Variants in OR2C1 observed in about 807,000 individuals in gnomAD.
The protein encoded by OR2C1 is olfactory receptor 2C1.
For missense variants in OR2C1, 468 were observed against 388.3 expected (o/e 1.21, Z -1.73); for synonymous variants, 209 against 167.3 (o/e 1.25, Z -1.92).
the OR2C1 span, among the ~76,000 whole-genome samples, chr16:3,325,074 C>T: frequency 6.6e-6 from 1 of 152,132 alleles, no homozygotes; most frequent in Non-Finnish European, 1.5e-5. Flanking sequence ...CTCTGCCTCC[C>T]AGGTTCAAGT....
the OR2C1 span, among the ~76,000 whole-genome samples, chr16:3,346,880 C>T: frequency 4.0e-5 from 6 of 151,400 alleles, no homozygotes; most frequent in African/African-American, 7.2e-5. Context: ...GATCTGCCCA[C>T]CTCAGGCTCC....
At chr16:3,332,241 AAAAT>A in the OR2C1 span, among the ~76,000 whole-genome samples, 103 of 152,122 alleles carry the variant, frequency 6.8e-4, 1 homozygote, top group East Asian at 0.011. Flanking sequence ...ATCAATTAAA[AAAAT>A]AAATAAATAA....
the OR2C1 span, among the ~76,000 whole-genome samples, chr16:3,344,935 A>T: frequency 2.0e-5 from 3 of 150,456 alleles, no homozygotes; most frequent in African/African-American, 2.5e-5. Flanking sequence ...TCTATCACAT[A>T]TATGTATGTG....
the OR2C1 span, among the ~76,000 whole-genome samples, chr16:3,336,753 G>T: frequency 8.2e-6 from 1 of 121,670 alleles, no homozygotes; most frequent in Non-Finnish European, 1.6e-5. Context: ...TTGTTGCCCA[G>T]GCTGGAGTGC....
Position 3,356,332 on chromosome 16 carries a change from G to T in OR2C1, c.392G>T (p.Arg131Leu). 2.5e-6 allele frequency: 4 copies of T among 1,613,214 alleles called. No homozygotes were observed. Among genetic ancestry groups the T allele is most frequent in the Non-Finnish European group, 3.4e-6 (4 of 1,179,974 alleles). Residue 131 changes from arginine to leucine, a missense_variant, in exon 1 of 1, where the codon CGC becomes CTC. Physicochemically the swap from Arg to Leu is moderately radical, Grantham distance 102. Coordinates refer to ENST00000304936, the MANE Select transcript of OR2C1 (RefSeq NM_012368.3). ...DRYVAVCRPLRYTAIMNPQLC... is the reference protein window; with the variant it reads ...DRYVAVCRPLLYTAIMNPQLC... ...TACGTGGCAGTGTGCCGGCCCCTCC[G>T]CTACACCGCCATCATGAACCCCCAG...
At chr16:3,344,935 A>C in the OR2C1 span, among the ~76,000 whole-genome samples, 1 of 150,456 alleles carries the variant, frequency 6.6e-6, no homozygotes, top group Non-Finnish European at 1.5e-5. Flanking sequence ...TCTATCACAT[A>C]TATGTATGTG....
At chr16:3,332,499 C>G in the OR2C1 span, among the ~76,000 whole-genome samples, 1 of 152,010 alleles carries the variant, frequency 6.6e-6, no homozygotes, top group Non-Finnish European at 1.5e-5. Flanking sequence ...TAATCAACCT[C>G]TTTTTATCCT....
the OR2C1 span, among the ~76,000 whole-genome samples, chr16:3,338,600 C>T: frequency 6.1e-5 from 8 of 130,972 alleles, no homozygotes; most frequent in African/African-American, 2.3e-4. Flanking sequence ...TGCAGTGGCG[C>T]GCTCTCGGCT....
At position 3,356,685 on chromosome 16, in the gene OR2C1, T is replaced by G; in HGVS notation, c.745T>G (p.Phe249Val). 2.5e-6 allele frequency: 4 copies of G among 1,614,208 alleles called. No homozygotes were observed. The highest frequency in any genetic ancestry group is 3.4e-6 in the Non-Finnish European group (4 of 1,180,018). ...GTGCCTCTCCCATCTGCTGGTGGTG[T>G]TCCTCTTCTATGGCTCAGCCAGCTA... Reference protein sequence around the residue: ...NTCLSHLLVVFLFYGSASYGY... With the variant: ...NTCLSHLLVVVLFYGSASYGY... The change falls in exon 1 of 1, where the codon TTC becomes GTC. Residue 249 changes from phenylalanine (F) to valine (V), a missense_variant. Transcript: ENST00000304936.
At chr16:3,340,265 C>T in the OR2C1 span, among the ~76,000 whole-genome samples, 1 of 145,960 alleles carries the variant, frequency 6.9e-6, no homozygotes, top group Non-Finnish European at 1.5e-5. Context: ...TGCAAAAGAG[C>T]AAAACTCTGT....
the OR2C1 span, among the ~76,000 whole-genome samples, chr16:3,336,708 C>CTTTTTTTTTTTTTT: frequency 4.3e-5 from 4 of 93,766 alleles, no homozygotes; most frequent in Non-Finnish European, 7.7e-5. Context: ...TTCTTTCTTT[C>CTTTTTTTTTTTTTT]TTTCTTTTTT....
chr16:3,326,397 T>C, the OR2C1 span, among the ~76,000 whole-genome samples: 1 of 152,152 alleles, frequency 6.6e-6, no homozygotes, highest in Non-Finnish European at 1.5e-5. Flanking sequence ...CTTAAGGAAA[T>C]CTTCCACTTC....
At chr16:3,333,080 G>T in the OR2C1 span, among the ~76,000 whole-genome samples, 1 of 151,880 alleles carries the variant, frequency 6.6e-6, no homozygotes, top group Non-Finnish European at 1.5e-5. Context: ...TTTTTAACTG[G>T]GGTGAGATAT....
chr16:3,339,392 G>T, the OR2C1 span, among the ~76,000 whole-genome samples: 3 of 151,850 alleles, frequency 2.0e-5, no homozygotes, highest in Non-Finnish European at 2.9e-5. Flanking sequence ...GGAATTGTGG[G>T]GTTGTATGGT....
At chr16:3,357,358 C>T (rs2030698110), downstream of OR2C1, 1 of 159,038 alleles carries the variant, frequency 6.3e-6, no homozygotes, top group Non-Finnish European at 1.4e-5. Flanking sequence ...TTATCTTTGC[C>T]TACCTCTTTT....
chr16:3,353,530 G>A (rs1241927934), upstream of OR2C1, among the ~76,000 whole-genome samples: 2 of 150,056 alleles, frequency 1.3e-5, no homozygotes, highest in Non-Finnish European at 3.0e-5. Context: ...GCCGGGAATG[G>A]TAGCTCATGC....
the OR2C1 span, among the ~76,000 whole-genome samples, chr16:3,346,980 C>A: frequency 6.7e-6 from 1 of 150,170 alleles, no homozygotes; most frequent in East Asian, 2.0e-4. Context: ...CGCGGTGGCT[C>A]ACACCTGTAA....
Position 3,356,568 on chromosome 16 carries a change from C to G in OR2C1, c.628C>G (p.Pro210Ala). ...NGVCTFFTAV[P>A]LSIIVISYCL... ...TGTCTGCACCTTCTTCACTGCAGTC[C>G]CACTAAGCATCATCGTGATCTCCTA... Residue 210 changes from proline (P) to alanine (A), a missense_variant, in exon 1 of 1, where the codon CCA becomes GCA. By Grantham distance (27) the Pro-to-Ala change is conservative. Coordinates refer to ENST00000304936, the MANE Select transcript of OR2C1 (RefSeq NM_012368.3). 8.1e-6 allele frequency: 13 copies of G among 1,614,198 alleles called. No individual in the cohort carries two copies. The highest frequency in any genetic ancestry group is 1.1e-5 in the Non-Finnish European group (13 of 1,180,042).
At chr16:3,330,066 A>G in the OR2C1 span, among the ~76,000 whole-genome samples, 1 of 150,988 alleles carries the variant, frequency 6.6e-6, no homozygotes, top group Non-Finnish European at 1.5e-5. Flanking sequence ...AAATTTAACA[A>G]CATCAAAGAA....
Sources: allele counts gnomAD v4.1 joint callset (sites outside exome capture counted in the v4.1 genomes callset), GRCh38; gene constraint gnomAD v4.1.1; transcripts MANE v1.5; gene names NCBI Gene and HGNC (gene_info 2026-07-23, HGNC 2026-07-21).